TNKS: variants seen among roughly 807,000 people sequenced by gnomAD.
TNKS encodes the protein tankyrase.
TNKS carries 72 observed loss-of-function variants against 135.8 expected under a neutral mutation model. The observed-to-expected ratio is 0.53, with a 90% CI of 0.44 to 0.64. TNKS has a LOEUF of 0.64. Among genes scored for constraint, TNKS ranks in the 30% least tolerant of loss-of-function variants. The probability of loss-of-function intolerance (pLI) is 0.00; values close to 1 mark genes in which losing one functional copy is unlikely to be tolerated. For missense variants in TNKS, 1,769 were observed against 1,674.0 expected (o/e 1.06, Z -0.99); for synonymous variants, 849 against 649.3 (o/e 1.31, Z -4.68).
In TNKS at chr8:9,670,944, G is replaced by C. The variant is rs1018920208; in HGVS notation, c.995-9007G>C. 6 of 152,076 alleles carry C rather than the reference G, an allele frequency of 3.9e-5. No homozygotes were observed. The East Asian group carries it at 1.2e-3, about 29-fold the overall frequency. 9.4% of individuals were successfully genotyped at this position (152,076 alleles called of 1,614,324 possible). A position where few individuals can be genotyped will look rare whatever the true frequency, so the allele number is the denominator to read the frequency against. ...CCCTGAACCTAAGATAGAAAATGCT[G>C]GTTTTTTGTTTTGTTTTGTTTTGTT... On this transcript the variant is annotated intron_variant, in intron 3 of 26. Coordinates refer to ENST00000310430, the MANE Select transcript of TNKS (RefSeq NM_003747.3).
chr8:9,681,681 T>C (rs1006338013), intron 5 of TNKS, among the ~76,000 whole-genome samples: 1 of 152,148 alleles, frequency 6.6e-6, no homozygotes, highest in Non-Finnish European at 1.5e-5. Context: ...ACAGTGAAAA[T>C]GTTACGGCAA....
chr8:9,752,446 A>G lies in TNKS; in HGVS notation c.3071-98A>G, dbSNP rs533352471. On this transcript the variant is annotated intron_variant, in intron 19 of 26. Transcript: ENST00000310430. ...ATTTTATGCCATGGAAAATCATCTG[A>G]CAGCCAAGGTTGTCAGAGTCATGTC... 11 of 796,066 alleles carry G rather than the reference A, an allele frequency of 1.4e-5. No individual in the cohort carries two copies. The Admixed American group carries it at 2.5e-4, about 18-fold the overall frequency. The allele number at this position is 796,066 out of a possible 1,614,324, so 49.3% of individuals were successfully genotyped here.
chr8:9,629,907 C>G (rs562205936), intron 3 of TNKS, among the ~76,000 whole-genome samples: 1 of 152,306 alleles, frequency 6.6e-6, no homozygotes, highest in East Asian at 1.9e-4. Context: ...TGGTCTCGAT[C>G]TCCTGACCTT....
At chr8:9,633,652 A>C (rs948966285) in intron 3 of TNKS, among the ~76,000 whole-genome samples, 1 of 152,318 alleles carries the variant, frequency 6.6e-6, no homozygotes, top group Non-Finnish European at 1.5e-5. Context: ...TGGTCATAAA[A>C]ACTATGGCTT....
At chr8:9,758,248 T>C (rs553008143) in intron 20 of TNKS, among the ~76,000 whole-genome samples, 1 of 152,318 alleles carries the variant, frequency 6.6e-6, no homozygotes, top group South Asian at 2.1e-4. Flanking sequence ...GGATGATGAA[T>C]GGTTGGATGG....
chr8:9,633,817 A>G (rs1311427116), intron 3 of TNKS, among the ~76,000 whole-genome samples: 3 of 152,134 alleles, frequency 2.0e-5, no homozygotes, highest in South Asian at 2.1e-4. Flanking sequence ...CAATAACCAC[A>G]TGAAGATTCT....
intron 2 of TNKS, among the ~76,000 whole-genome samples, chr8:9,581,282 T>G (rs963335335): frequency 2.6e-5 from 4 of 152,218 alleles, no homozygotes; most frequent in African/African-American, 9.6e-5. Context: ...ATTCCTCAAA[T>G]TATTGCAATG....
At chr8:9,637,028 G>C (rs1260804370) in intron 3 of TNKS, among the ~76,000 whole-genome samples, 1 of 152,176 alleles carries the variant, frequency 6.6e-6, no homozygotes, top group African/African-American at 2.4e-5. Flanking sequence ...CATCTGAATT[G>C]ACAGCTTGAG....
chr8:9,572,753 G>A lies in TNKS; in HGVS notation c.674-7406G>A, dbSNP rs186133310. Among the ~76,000 whole-genome samples, 320 of 152,230 alleles carry A rather than the reference G, an allele frequency of 2.1e-3. 1 individual carries two copies. The highest frequency in any genetic ancestry group is 7.1e-3 in the African/African-American group (293 of 41,528). Reference sequence around the variant, plus strand: ...ATCAGCCAAGATACAGGTGTCATTCGATTTTTAATAGCAAAATTGTGAATT... The same window carrying A: ...ATCAGCCAAGATACAGGTGTCATTCAATTTTTAATAGCAAAATTGTGAATT... On this transcript the variant is annotated intron_variant, in intron 1 of 26. Coordinates refer to ENST00000310430, the MANE Select transcript of TNKS (RefSeq NM_003747.3).
chr8:9,627,040 G>T (rs2128769897), intron 3 of TNKS, among the ~76,000 whole-genome samples: 1 of 152,216 alleles, frequency 6.6e-6, no homozygotes, highest in South Asian at 2.1e-4. Flanking sequence ...CACTGAGGAA[G>T]GGAGAGAGGC....
intron 20 of TNKS, 25 bp downstream of exon 20, chr8:9,752,651 G>A (rs755257198): frequency 6.7e-7 from 1 of 1,491,702 alleles, no homozygotes; most frequent in South Asian, 1.2e-5. Flanking sequence ...ATATATTTGA[G>A]TCATTTAAAT....
intron 22 of TNKS, among the ~76,000 whole-genome samples, 169 bp downstream of exon 22, chr8:9,763,413 A>G (rs1015173278): frequency 1.3e-5 from 2 of 152,118 alleles, no homozygotes; most frequent in African/African-American, 4.8e-5. Flanking sequence ...ACGGCGCCCC[A>G]TGGTTTTCAC....
chr8:9,715,729 C>T (rs546175462), intron 11 of TNKS, among the ~76,000 whole-genome samples: 2 of 152,220 alleles, frequency 1.3e-5, no homozygotes, highest in South Asian at 2.1e-4. Flanking sequence ...AGGAGAGTTA[C>T]AAGAACATTG....
Position 9,569,047 on chromosome 8 carries a change from T to A in TNKS, c.674-11112T>A, listed in dbSNP as rs1234501071. Among the ~76,000 whole-genome samples, 3 of 152,208 alleles carry A rather than the reference T, an allele frequency of 2.0e-5. No individual in the cohort carries two copies. In the East Asian group the frequency reaches 5.8e-4, roughly 29 times the overall value. Reference sequence around the variant, plus strand: ...GTAATAAAAATAATAAGCATAATTGTTAATATTGCCACTAATCTCATCAGA... The same window carrying A: ...GTAATAAAAATAATAAGCATAATTGATAATATTGCCACTAATCTCATCAGA... On this transcript the variant is annotated intron_variant, in intron 1 of 26. Transcript: ENST00000310430.
At chr8:9,598,807 ATATATATATAT>A (rs1798906543) in intron 2 of TNKS, among the ~76,000 whole-genome samples, 2 of 95,884 alleles carry the variant, frequency 2.1e-5, no homozygotes, top group Non-Finnish European at 2.2e-5. Flanking sequence ...ATATATATAT[ATATATATATAT>A]GAATGAATTG....
At chr8:9,610,851 T>A (rs1467972629) in intron 2 of TNKS, among the ~76,000 whole-genome samples, 3 of 152,246 alleles carry the variant, frequency 2.0e-5, no homozygotes, top group Non-Finnish European at 4.4e-5. Context: ...CAATTTATTA[T>A]AATAGCACTT....
intron 11 of TNKS, among the ~76,000 whole-genome samples, chr8:9,717,102 T>TATATATATATATATATATTTA (rs60792807): frequency 1.6e-5 from 2 of 122,904 alleles, no homozygotes; most frequent in Non-Finnish European, 3.4e-5. Context: ...TATATATATA[T>TATATATATATATATATATTTA]TTTCAGGGAA....
intron 3 of TNKS, among the ~76,000 whole-genome samples, chr8:9,617,797 C>G (rs934130333): frequency 4.6e-5 from 7 of 151,990 alleles, no homozygotes; most frequent in African/African-American, 1.7e-4. Context: ...AATTGTAGTA[C>G]CCTTACTTAC....
At chr8:9,668,789 T>C (rs989575575) in intron 3 of TNKS, among the ~76,000 whole-genome samples, 1 of 152,170 alleles carries the variant, frequency 6.6e-6, no homozygotes, top group Non-Finnish European at 1.5e-5. Flanking sequence ...AAGTGAGTGA[T>C]GTAGAGTTGA....
Sources: allele counts gnomAD v4.1 joint callset (sites outside exome capture counted in the v4.1 genomes callset), GRCh38; gene constraint gnomAD v4.1.1; transcripts MANE v1.5; gene names NCBI Gene and HGNC (gene_info 2026-07-23, HGNC 2026-07-21).